Variants in SCARB2 observed in about 807,000 individuals in gnomAD.
The protein encoded by SCARB2 is lysosome membrane protein 2.
Under a neutral mutation model 58.6 loss-of-function variants are expected in SCARB2, and 29 were observed. The observed-to-expected ratio is 0.49, with a 90% CI of 0.37 to 0.67. The LOEUF (loss-of-function observed/expected upper bound fraction) is 0.67. Ranked by LOEUF, SCARB2 falls within the 30% of genes least tolerant of loss-of-function variation. SCARB2 has a pLI of 0.00. For missense variants in SCARB2, 488 were observed against 578.5 expected, an observed-to-expected ratio of 0.84 and a Z score of 1.60; for synonymous variants, 195 against 210.1, an observed-to-expected ratio of 0.93 and a Z score of 0.62.
intron 2 of SCARB2, among the ~76,000 whole-genome samples, chr4:76,185,717 T>A (rs11947458): frequency 0.36 from 54,854 of 152,102 alleles, 12,930 homozygotes; most frequent in African/African-American, 0.66. Flanking sequence ...ACTATCATAG[T>A]ATCGTTATCT....
At chr4:76,230,979 T>C (rs1398622061) in intron 1 of SCARB2, among the ~76,000 whole-genome samples, 1 of 152,194 alleles carries the variant, frequency 6.6e-6, no homozygotes, top group Non-Finnish European at 1.5e-5. Flanking sequence ...CTGGATCCCT[T>C]AGATCCAGTT....
intron 3 of SCARB2, 110 bp downstream of exon 3, chr4:76,180,844 A>T: frequency 1.2e-6 from 1 of 851,278 alleles, no homozygotes; most frequent in Non-Finnish European, 1.8e-6. Context: ...TTATATATGT[A>T]TATTTCAACA....
At chr4:76,170,086 C>A (rs1419677819) in intron 7 of SCARB2, 101 bp from the exon 8 acceptor site, 67 of 989,574 alleles carry the variant, frequency 6.8e-5, no homozygotes, top group Admixed American at 3.8e-4. Context: ...TAAAGAAAAA[C>A]AAAAAAGCTA....
chr4:76,187,245 G>A (rs190201829), intron 2 of SCARB2, among the ~76,000 whole-genome samples: 2 of 152,162 alleles, frequency 1.3e-5, no homozygotes, highest in African/African-American at 4.8e-5. Context: ...AAAAAGAATA[G>A]ACTTGACTAC....
At chr4:76,208,569 G>A (rs965900929) in intron 1 of SCARB2, among the ~76,000 whole-genome samples, 2 of 152,230 alleles carry the variant, frequency 1.3e-5, no homozygotes, top group Non-Finnish European at 2.9e-5. Flanking sequence ...GAGCCAGGCT[G>A]AGTAAACAGA....
chr4:76,228,360 T>C (rs973558536), intron 1 of SCARB2, among the ~76,000 whole-genome samples: 1 of 151,712 alleles, frequency 6.6e-6, no homozygotes. Flanking sequence ...ATGCCTGTAA[T>C]CCCAGCTACT....
chr4:76,213,231 G>C (rs375763899), intron 1 of SCARB2, 196 bp downstream of exon 1: 4 of 631,784 alleles, frequency 6.3e-6, no homozygotes, highest in Middle Eastern at 3.4e-4. Context: ...CACTGTAAAG[G>C]GAACAGAGTC....
In SCARB2 at chr4:76,163,776, ACT is replaced by A. The variant is rs533854744; in HGVS notation, c.1240-395_1240-394del. 2.4e-4 allele frequency: 77 copies of A among 325,528 alleles called. No homozygotes were observed. The East Asian group carries it at 6.3e-3, about 27-fold the overall frequency. The allele number at this position is 325,528 out of a possible 1,614,324, so 20.2% of individuals were successfully genotyped here. A position where few individuals can be genotyped will look rare whatever the true frequency, so the allele number is the denominator to read the frequency against. On this transcript the variant is annotated intron_variant, in intron 10 of 11. Transcript: ENST00000264896. The stretch of plus-strand genomic sequence containing the variant: ...GGCCTCCTCCCTAAGTTTCCATCTC[ACT>A]CTCTACTTCCATCATTGTCCTTGCA...
chr4:76,193,691 C>T (rs1732650448), intron 2 of SCARB2: 1 of 152,166 alleles, frequency 6.6e-6, no homozygotes, highest in Admixed American at 6.5e-5. Context: ...GAATGTTTGC[C>T]CAATGCTGAT....
At chr4:76,207,076 G>C (rs768498156) in intron 1 of SCARB2, among the ~76,000 whole-genome samples, 18 of 152,262 alleles carry the variant, frequency 1.2e-4, no homozygotes, top group Non-Finnish European at 1.9e-4. Flanking sequence ...CTCAAAGTGT[G>C]ATCTCAGGAC....
At chr4:76,170,441 T>C (rs1162671465) in intron 7 of SCARB2, among the ~76,000 whole-genome samples, 1 of 152,212 alleles carries the variant, frequency 6.6e-6, no homozygotes, top group Non-Finnish European at 1.5e-5. Flanking sequence ...AAGGGTGTTG[T>C]ACCTCAAAGC....
chr4:76,201,346 A>G (rs1319323423), intron 1 of SCARB2, among the ~76,000 whole-genome samples: 1 of 152,186 alleles, frequency 6.6e-6, no homozygotes, highest in African/African-American at 2.4e-5. Context: ...TGTGTTCATT[A>G]GTCTTTAGTG....
At chr4:76,231,710 G>A (rs1009311812) in intron 1 of SCARB2, among the ~76,000 whole-genome samples, 1 of 152,222 alleles carries the variant, frequency 6.6e-6, no homozygotes, top group East Asian at 1.9e-4. Flanking sequence ...TTTTAAAGCT[G>A]AGCCCAGGCA....
intron 6 of SCARB2, chr4:76,174,933 C>T (rs922022572): frequency 2.6e-5 from 4 of 156,522 alleles, no homozygotes; most frequent in Admixed American, 2.5e-4. Flanking sequence ...ACTGCTTACA[C>T]TGCATAGTGC....
chr4:76,219,204 G>A (rs1021153933), intron 1 of SCARB2, among the ~76,000 whole-genome samples: 1 of 152,218 alleles, frequency 6.6e-6, no homozygotes, highest in African/African-American at 2.4e-5. Context: ...GGTGACCTGG[G>A]CATCCAGGAG....
chr4:76,181,941 G>A (rs951846021), intron 2 of SCARB2, among the ~76,000 whole-genome samples: 7 of 152,128 alleles, frequency 4.6e-5, no homozygotes, highest in African/African-American at 1.2e-4. Flanking sequence ...CTTAGAAAGC[G>A]CCTGGTGCCA....
At chr4:76,225,777 G>C (rs986124747) in intron 1 of SCARB2, among the ~76,000 whole-genome samples, 1 of 152,166 alleles carries the variant, frequency 6.6e-6, no homozygotes, top group Non-Finnish European at 1.5e-5. Context: ...TATGCTGTTG[G>C]ATCCAGTTAG....
intron 2 of SCARB2, chr4:76,184,841 C>G (rs1732455047): frequency 2.9e-6 from 1 of 340,140 alleles, no homozygotes; most frequent in Admixed American, 3.8e-5. Flanking sequence ...AGACAGGATT[C>G]CTCCCAGTGG....
At position 76,173,895 on chromosome 4, in the gene SCARB2, A is replaced by G. The variant is rs17001559; in HGVS notation, c.994+249T>C. On this transcript the variant is annotated intron_variant, in intron 7 of 11. Coordinates refer to ENST00000264896, the MANE Select transcript of SCARB2 (RefSeq NM_005506.4). The stretch of plus-strand genomic sequence containing the variant: ...TGTTATGAAACATTGTTCTTGAAAG[A>G]AACTGATCTTTCTATTGGGCTGACA... 0.014 allele frequency: 6,728 copies of G among 491,406 alleles called. 218 individuals carry two copies. Among genetic ancestry groups the G allele is most frequent in the African/African-American group, 0.085 (4,399 of 51,938 alleles). 30.4% of individuals were successfully genotyped at this position (491,406 alleles called of 1,614,324 possible).
Sources: allele counts gnomAD v4.1 joint callset (sites outside exome capture counted in the v4.1 genomes callset), GRCh38; gene constraint gnomAD v4.1.1; transcripts MANE v1.5; gene names NCBI Gene and HGNC (gene_info 2026-07-23, HGNC 2026-07-21).